NXF3: variants seen among roughly 807,000 people sequenced by gnomAD.
The protein encoded by NXF3 is nuclear RNA export factor 3, also known as TAP-like protein 3.
NXF3 carries 34 observed loss-of-function variants against 48.4 expected under a neutral mutation model. The ratio of observed to expected loss-of-function variants is 0.70; its 90% CI spans 0.53 to 0.93. The LOEUF is 0.93. Among genes scored for constraint, NXF3 ranks in the 40% least tolerant of loss-of-function variants. The pLI is 0.00. For synonymous variants in NXF3, 132 were observed against 145.7 expected, an observed-to-expected ratio of 0.91 and a Z score of 0.68; for missense variants, 359 against 406.1, an observed-to-expected ratio of 0.88 and a Z score of 1.00.
At chrX:103,080,328 T>C in intron 10 of NXF3, 112 bp from the exon 11 acceptor site, 1 of 809,124 alleles carries the variant, frequency 1.2e-6, no homozygotes, top group Non-Finnish European at 1.8e-6. Context: ...GTGAAAGCGT[T>C]CTGGAAATTA....
rs1379423266 is a variant in NXF3, at chrX:103,079,164, C to T, written c.1378+57G>A. The T allele has an allele frequency of 4.4e-6, 5 of 1,131,908 alleles. No individual in the cohort carries two copies. In the African/African-American group the frequency reaches 9.0e-5, roughly 20 times the overall value. 93.3% of individuals were successfully genotyped at this position (1,131,908 alleles called of 1,213,427 possible). On this transcript the variant is annotated intron_variant, in intron 16 of 19. Coordinates refer to ENST00000395065, the MANE Select transcript of NXF3 (RefSeq NM_022052.2). Reference sequence around the variant, plus strand: ...AGCTGGGGGAGTTCTGAGATGGAGCCCAGCCAGGGGGAGGGAGGAGTGGGG... The same window carrying T: ...AGCTGGGGGAGTTCTGAGATGGAGCTCAGCCAGGGGGAGGGAGGAGTGGGG...
intron 1 of NXF3, chrX:103,089,166 T>G: frequency 1.3e-6 from 1 of 743,358 alleles, no homozygotes; most frequent in Non-Finnish European, 2.1e-6. Context: ...ACTATTTGAA[T>G]GCTCAGTTTG....
Position 103,078,594 on chromosome X carries a change from G to A in NXF3, c.1417C>T (p.Arg473Trp). ...QSQGSVLAFT[R>W]TFIATPGSSS... ...CTGCCAGGGGTAGCAATGAAGGTCC[G>A]GGTGAAGGCGAGAACAGAACCCTGA... The change falls in exon 17 of 20, where the codon CGG (arginine) becomes TGG (tryptophan). Residue 473 changes from arginine (R) to tryptophan (W), a missense_variant. Physicochemically the swap from Arg to Trp is moderately radical, Grantham distance 101. Transcript: ENST00000395065. 21 of 1,211,888 alleles carry A rather than the reference G, an allele frequency of 1.7e-5. No individual in the cohort carries two copies. Among genetic ancestry groups the A allele is most frequent in the Non-Finnish European group, 2.2e-5 (20 of 895,602 alleles).
intron 1 of NXF3, chrX:103,088,234 A>T: frequency 1.5e-6 from 1 of 689,447 alleles, no homozygotes; most frequent in Non-Finnish European, 2.2e-6. Flanking sequence ...TGCTAGGAGT[A>T]AAAAATTAGA....
chrX:103,079,620 TGAA>T lies in NXF3; in HGVS notation c.1180_1182del (p.Phe394del), dbSNP rs1043279870. The T allele has an allele frequency of 9.1e-6, 11 of 1,209,298 alleles. No homozygotes were observed. Among genetic ancestry groups the T allele is most frequent in the Non-Finnish European group, 1.2e-5 (11 of 894,664 alleles). On this transcript the variant is annotated inframe_deletion, in exon 14 of 20. Transcript: ENST00000395065. ...AGAATTTTTATATTCCTGCTATCCT[TGAA>T]GAACTTGCAGAAGCTGCTCCTAGAA... is the stretch of plus-strand genomic sequence containing the variant.
intron 18 of NXF3, among the ~76,000 whole-genome samples, 154 bp downstream of exon 18, chrX:103,077,460 G>A (rs1921899280): frequency 9.1e-6 from 1 of 110,067 alleles, no homozygotes; most frequent in South Asian, 4.0e-4. Flanking sequence ...CACCGTGTTA[G>A]CCAGGATGGT....
chrX:103,076,001 C>G lies in NXF3; in HGVS notation c.*50-1G>C, dbSNP rs1004781371. On this transcript the variant is annotated splice_acceptor_variant, in intron 19 of 19. Coordinates refer to ENST00000395065, the MANE Select transcript of NXF3 (RefSeq NM_022052.2). LOFTEE classifies it low-confidence loss of function (3UTR_SPLICE). Reference sequence around the variant, plus strand: ...CTGGTTCAGTCACAGGGAAATACATCTATTGGAACAAAAATACAGGGAAGA... The same window carrying G: ...CTGGTTCAGTCACAGGGAAATACATGTATTGGAACAAAAATACAGGGAAGA... 5.7e-5 allele frequency: 20 copies of G among 352,149 alleles called. No individual in the cohort carries two copies. Among genetic ancestry groups the G allele is most frequent in the Non-Finnish European group, 4.0e-5 (8 of 202,338 alleles). The allele number at this position is 352,149 out of a possible 1,213,427, so 29.0% of individuals were successfully genotyped here. A position where few individuals can be genotyped will look rare whatever the true frequency, so the allele number is the denominator to read the frequency against.
intron 1 of NXF3, chrX:103,088,439 C>A (rs1241021567): frequency 2.6e-6 from 2 of 783,196 alleles, no homozygotes; most frequent in Non-Finnish European, 3.8e-6. Context: ...AGTTCCAGAA[C>A]CAAAATGTGG....
intron 1 of NXF3, among the ~76,000 whole-genome samples, chrX:103,085,310 G>A (rs900391925): frequency 8.9e-6 from 1 of 111,858 alleles, no homozygotes; most frequent in Non-Finnish European, 1.9e-5. Context: ...CAGCAGAAAG[G>A]GTTTGGGTTT....
At chrX:103,078,490 G>C in intron 17 of NXF3, 70 bp downstream of exon 17, 1 of 1,195,472 alleles carries the variant, frequency 8.4e-7, no homozygotes, top group Middle Eastern at 2.3e-4. Context: ...CCCGAGGACT[G>C]CACCACCACA....
intron 1 of NXF3, among the ~76,000 whole-genome samples, chrX:103,085,900 CAAA>C (rs56135590): frequency 4.6e-5 from 2 of 43,536 alleles, no homozygotes; most frequent in African/African-American, 1.9e-4. Context: ...GAGACTCTGT[CAAA>C]AAAAAAAAAA....
At chrX:103,079,507 G>A in intron 14 of NXF3, 33 bp from the exon 15 acceptor site, 3 of 1,185,247 alleles carry the variant, frequency 2.5e-6, no homozygotes, top group South Asian at 3.6e-5. Context: ...GGATTTGGGG[G>A]GCTGCCACAC....
At chrX:103,088,809 C>T in intron 1 of NXF3, 1 of 1,145,610 alleles carries the variant, frequency 8.7e-7, no homozygotes, top group Non-Finnish European at 1.2e-6. Flanking sequence ...ATCCCTTTGC[C>T]AAGTAGAATT....
intron 4 of NXF3, 42 bp from the exon 5 acceptor site, chrX:103,083,544 GTC>G: frequency 8.5e-7 from 1 of 1,170,757 alleles, no homozygotes. Context: ...TGAGGCCAGA[GTC>G]TCTGCTCATC....
In NXF3 at chrX:103,077,755, A is replaced by T. The variant is rs1356313431; in HGVS notation, c.1452-9T>A. The stretch of plus-strand genomic sequence containing the variant: ...CATTCACGATGCACAGACTGGAGGA[A>T]AAATGGGCCATCAGGTAGCCGGAGA... On this transcript the variant is annotated splice_polypyrimidine_tract_variant and intron_variant, in intron 17 of 19. Coordinates refer to ENST00000395065, the MANE Select transcript of NXF3 (RefSeq NM_022052.2). 2.5e-6 allele frequency: 3 copies of T among 1,207,467 alleles called. No individual in the cohort carries two copies. The highest frequency in any genetic ancestry group is 3.4e-6 in the Non-Finnish European group (3 of 893,686).
At chrX:103,085,344 A>G (rs1336467170) in intron 1 of NXF3, among the ~76,000 whole-genome samples, 1 of 111,832 alleles carries the variant, frequency 8.9e-6, no homozygotes, top group Non-Finnish European at 1.9e-5. Flanking sequence ...CTATGATGAT[A>G]GTCCTTGCTC....
chrX:103,079,906 G>T, intron 12 of NXF3, 36 bp from the exon 13 acceptor site: 1 of 1,182,520 alleles, frequency 8.5e-7, no homozygotes, highest in South Asian at 1.8e-5. Context: ...TATCTCTGTG[G>T]CCTGGGTGCC....
intron 7 of NXF3, 35 bp downstream of exon 7, chrX:103,082,969 C>T: frequency 1.7e-6 from 2 of 1,175,905 alleles, no homozygotes; most frequent in Non-Finnish European, 2.3e-6. Context: ...ACACCTCTGC[C>T]CTCATCTACC....
intron 1 of NXF3, chrX:103,087,588 T>G: frequency 1.0e-6 from 1 of 956,691 alleles, no homozygotes; most frequent in East Asian, 3.1e-5. Context: ...GAGTGTATAA[T>G]ACTTTTACCA....
Sources: gnomAD v4.1 joint callset for allele counts (sites outside exome capture counted in the v4.1 genomes callset) on GRCh38, gnomAD v4.1.1 for gene constraint, MANE v1.5 for transcripts, NCBI Gene and HGNC (gene_info 2026-07-23, HGNC 2026-07-21) for gene names.